ROBO1: variants seen among roughly 807,000 people sequenced by gnomAD.
ROBO1 encodes roundabout homolog 1.
ROBO1 carries 149 observed loss-of-function variants against 195.9 expected under a neutral mutation model. The ratio of observed to expected loss-of-function variants is 0.76; its 90% CI spans 0.67 to 0.87. The LOEUF is 0.87. Among genes scored for constraint, ROBO1 ranks in the 40% least tolerant of loss-of-function variants. The probability of loss-of-function intolerance (pLI) is 0.00; values close to 1 mark genes in which losing one functional copy is unlikely to be tolerated. For missense variants in ROBO1, 1,933 were observed against 2,068.3 expected (o/e 0.93, Z 1.27); for synonymous variants, 816 against 733.2 (o/e 1.11, Z -1.82).
At chr3:79,509,311 A>C (rs925762766) in intron 2 of ROBO1, among the ~76,000 whole-genome samples, 6 of 151,792 alleles carry the variant, frequency 4.0e-5, no homozygotes. Flanking sequence ...ATTAAATCAC[A>C]TTTGCTGTAG....
At chr3:79,182,587 G>A (rs1576783672) in intron 2 of ROBO1, among the ~76,000 whole-genome samples, 1 of 151,872 alleles carries the variant, frequency 6.6e-6, no homozygotes, top group Admixed American at 6.6e-5. Flanking sequence ...GTGCATGCAC[G>A]CACTGGAGTG....
intron 1 of ROBO1, among the ~76,000 whole-genome samples, chr3:79,730,726 G>C (rs1390496175): frequency 2.0e-5 from 3 of 146,816 alleles, no homozygotes; most frequent in African/African-American, 7.5e-5. Flanking sequence ...AGTTGAAACA[G>C]TAATTTGTAA....
chr3:79,760,963 T>A (rs1192083692), intron 1 of ROBO1, among the ~76,000 whole-genome samples: 1 of 150,996 alleles, frequency 6.6e-6, no homozygotes, highest in Non-Finnish European at 1.5e-5. Context: ...GCCAAAAAAT[T>A]GCTACAGTCT....
intron 8 of ROBO1, among the ~76,000 whole-genome samples, chr3:78,698,312 A>G (rs1015081574): frequency 2.6e-5 from 4 of 152,210 alleles, no homozygotes; most frequent in Admixed American, 1.3e-4. Flanking sequence ...CAATATCGCT[A>G]ACAATTAAAA....
At chr3:79,440,881 A>G (rs1474822938) in intron 2 of ROBO1, among the ~76,000 whole-genome samples, 1 of 152,134 alleles carries the variant, frequency 6.6e-6, no homozygotes, top group Non-Finnish European at 1.5e-5. Flanking sequence ...GGATGCCATC[A>G]AATGGATTCA....
intron 2 of ROBO1, among the ~76,000 whole-genome samples, chr3:79,330,760 G>A (rs908405134): frequency 6.6e-6 from 1 of 151,090 alleles, no homozygotes; most frequent in Non-Finnish European, 1.5e-5. Flanking sequence ...ACAGTCATTG[G>A]AAATAAGACA....
At chr3:78,965,460 T>C (rs2107869442) in intron 3 of ROBO1, among the ~76,000 whole-genome samples, 1 of 152,304 alleles carries the variant, frequency 6.6e-6, no homozygotes, top group South Asian at 2.1e-4. Context: ...TATTTAGGCC[T>C]TTCCTACTTC....
At chr3:79,257,544 C>T (rs1021621651) in intron 2 of ROBO1, among the ~76,000 whole-genome samples, 24 of 152,060 alleles carry the variant, frequency 1.6e-4, no homozygotes, top group African/African-American at 5.6e-4. Context: ...GTGTGGTTGG[C>T]CTGGCATAGA....
intron 4 of ROBO1, among the ~76,000 whole-genome samples, chr3:78,790,860 G>A (rs1182863598): frequency 6.6e-6 from 1 of 152,104 alleles, no homozygotes; most frequent in African/African-American, 2.4e-5. Context: ...GGTCACATAT[G>A]TAGACCTAAT....
At chr3:79,431,136 G>A (rs2038658818) in intron 2 of ROBO1, among the ~76,000 whole-genome samples, 1 of 152,130 alleles carries the variant, frequency 6.6e-6, no homozygotes, top group South Asian at 2.1e-4. Context: ...TACTGCATAT[G>A]TCAGTGTCTT....
At position 79,255,364 on chromosome 3, in the gene ROBO1, AAAC is replaced by A. The variant is rs374939722; in HGVS notation, c.89-129828_89-129826del. ...AGCAAGGCTATCTCTAAAAAAACAA[AAAC>A]AACAACAAAAACAAAAAACATAAGT... On this transcript the variant is annotated intron_variant, in intron 2 of 30. Transcript: ENST00000464233. Among the ~76,000 whole-genome samples, 333 of 152,244 alleles carry A rather than the reference AAAC, an allele frequency of 2.2e-3. 1 individual carries two copies. The highest frequency in any genetic ancestry group is 7.0e-3 in the African/African-American group (291 of 41,552).
chr3:79,125,845 C>T (rs977766592), intron 2 of ROBO1, among the ~76,000 whole-genome samples: 2 of 152,154 alleles, frequency 1.3e-5, no homozygotes, highest in African/African-American at 4.8e-5. Context: ...GCCGCCAGCA[C>T]GGACTGAGAG....
intron 1 of ROBO1, among the ~76,000 whole-genome samples, chr3:79,632,665 A>T (rs535029129): frequency 6.6e-6 from 1 of 152,230 alleles, no homozygotes; most frequent in East Asian, 1.9e-4. Flanking sequence ...CAAATGTAAA[A>T]CCTAGAACTG....
At chr3:79,389,130 T>C (rs2036858723) in intron 2 of ROBO1, among the ~76,000 whole-genome samples, 2 of 152,168 alleles carry the variant, frequency 1.3e-5, no homozygotes, top group Non-Finnish European at 2.9e-5. Flanking sequence ...GACTTTTGTA[T>C]GATGTAAACC....
intron 4 of ROBO1, among the ~76,000 whole-genome samples, chr3:78,792,617 C>T (rs2084054780): frequency 6.6e-6 from 1 of 152,160 alleles, no homozygotes; most frequent in South Asian, 2.1e-4. Flanking sequence ...TCACGTACTC[C>T]ATCCAGGACA....
chr3:79,726,689 G>C (rs1274877288), intron 1 of ROBO1, among the ~76,000 whole-genome samples: 2 of 152,090 alleles, frequency 1.3e-5, no homozygotes, highest in African/African-American at 2.4e-5. Flanking sequence ...CAACAGCAAG[G>C]CTTTGCTGGT....
At chr3:78,802,230 C>T (rs1218552156) in intron 4 of ROBO1, among the ~76,000 whole-genome samples, 2 of 152,136 alleles carry the variant, frequency 1.3e-5, no homozygotes, top group Non-Finnish European at 2.9e-5. Context: ...TAATTTTCTA[C>T]AAAAGCATGC....
intron 2 of ROBO1, among the ~76,000 whole-genome samples, chr3:79,584,287 T>A (rs1029405670): frequency 2.0e-5 from 3 of 148,504 alleles, no homozygotes; most frequent in African/African-American, 7.3e-5. Context: ...TATTACTACA[T>A]ATATATATAT....
intron 4 of ROBO1, among the ~76,000 whole-genome samples, chr3:78,789,154 T>C (rs889696395): frequency 8.5e-5 from 13 of 152,172 alleles, no homozygotes; most frequent in African/African-American, 3.1e-4. Context: ...AGAAATAGAC[T>C]ACCCATAACT....
Sources: gnomAD v4.1 joint callset for allele counts (sites outside exome capture counted in the v4.1 genomes callset) on GRCh38, gnomAD v4.1.1 for gene constraint, MANE v1.5 for transcripts, NCBI Gene and HGNC (gene_info 2026-07-23, HGNC 2026-07-21) for gene names.